Variants in SNED1 observed in about 807,000 individuals in gnomAD.
The protein encoded by SNED1 is sushi, nidogen and EGF-like domain-containing protein 1.
Under a neutral mutation model 166.7 loss-of-function variants are expected in SNED1, and 81 were observed. That is an observed-to-expected ratio of 0.49 (90% CI 0.41 to 0.58). SNED1 has a LOEUF of 0.58. SNED1 is among the 20% of genes least tolerant of loss of function. The probability of loss-of-function intolerance (pLI) is 0.00; values close to 1 mark genes in which losing one functional copy is unlikely to be tolerated. For missense variants in SNED1, 1,604 were observed against 2,000.2 expected, an observed-to-expected ratio of 0.80 and a Z score of 3.78; for synonymous variants, 762 against 822.0, an observed-to-expected ratio of 0.93 and a Z score of 1.25.
intron 1 of SNED1, among the ~76,000 whole-genome samples, chr2:241,006,101 T>C (rs1382689518): frequency 6.6e-6 from 1 of 152,228 alleles, no homozygotes; most frequent in African/African-American, 2.4e-5. Context: ...CTTTTTTGCC[T>C]GTCCTTCATT....
At chr2:241,000,176 C>T (rs761098074) in intron 1 of SNED1, among the ~76,000 whole-genome samples, 8 of 152,330 alleles carry the variant, frequency 5.3e-5, no homozygotes, top group Middle Eastern at 3.4e-3. Flanking sequence ...TCCACATCCT[C>T]TGCATGGTTG....
intron 1 of SNED1, among the ~76,000 whole-genome samples, chr2:241,015,143 A>AT (rs1473120230): frequency 1.3e-5 from 2 of 152,242 alleles, no homozygotes; most frequent in African/African-American, 4.8e-5. Context: ...ACACACACGT[A>AT]TACACACACC....
At position 241,063,712 on chromosome 2, in the gene SNED1, C is replaced by A. The variant is rs74000340; in HGVS notation, c.2485+12C>A. 9 of 1,531,128 alleles carry A rather than the reference C, an allele frequency of 5.9e-6. No homozygotes were observed. The highest frequency in any genetic ancestry group is 8.1e-6 in the Non-Finnish European group (9 of 1,112,316). 94.8% of individuals were successfully genotyped at this position (1,531,128 alleles called of 1,614,324 possible). A position where few individuals can be genotyped will look rare whatever the true frequency, so the allele number is the denominator to read the frequency against. On this transcript the variant is annotated intron_variant, in intron 18 of 31. Transcript: ENST00000310397. ...CCACTGTGAGACAGGTAGGGGCTCC[C>A]TCCAGTGGGCCCCACATGCAGAGCC...
chr2:241,067,384 G>A (rs961058664), intron 21 of SNED1, among the ~76,000 whole-genome samples: 8 of 152,228 alleles, frequency 5.3e-5, no homozygotes, highest in Non-Finnish European at 1.0e-4. Flanking sequence ...CCGGATGTGT[G>A]CTCTTAGACC....
chr2:241,070,112 G>A lies in SNED1; in HGVS notation c.3500G>A (p.Gly1167Glu). The A allele has an allele frequency of 1.2e-6, 2 of 1,612,838 alleles. No homozygotes were observed. Among genetic ancestry groups the A allele is most frequent in the Non-Finnish European group, 1.7e-6 (2 of 1,179,856 alleles). ...TACACGGTGCGCGACCTGCTGCCGG[G>A]ACGGCGGTACCAGCTCTCTGTGATA... ...ASYTVRDLLP[G>E]RRYQLSVIAV... The change falls in exon 24 of 32, where the codon GGA becomes GAA. Residue 1167 changes from glycine to glutamate, a missense_variant. Physicochemically the swap from Gly to Glu is moderately conservative, Grantham distance 98. Transcript: ENST00000310397.
At position 241,069,875 on chromosome 2, in the gene SNED1, C is replaced by A; in HGVS notation, c.3308-45C>A. The A allele has an allele frequency of 6.3e-7, 1 of 1,590,450 alleles. No individual in the cohort carries two copies. The highest frequency in any genetic ancestry group is 8.6e-7 in the Non-Finnish European group (1 of 1,168,300). On this transcript the variant is annotated intron_variant, in intron 23 of 31. Coordinates refer to ENST00000310397, the MANE Select transcript of SNED1 (RefSeq NM_001080437.3). This position sits in a 1 kb window ranked among gnomAD's most constrained non-coding sequence, Gnocchi z 4.9. ...CTCAAACCGTGTTCTTGCCAGAAGA[C>A]CCTGTGGGCACCCCCTCACCTCTCC...
intron 31 of SNED1, chr2:241,089,241 A>G: frequency 6.7e-7 from 1 of 1,489,690 alleles, no homozygotes; most frequent in Non-Finnish European, 9.0e-7. Context: ...TGGTTGGCCT[A>G]GGACAGCTTT....
In SNED1 at chr2:241,064,190, GCTGCCCGCCCT is replaced by G. The variant is rs1310977637; in HGVS notation, c.2599+75_2599+85del. The G allele has an allele frequency of 6.1e-6, 7 of 1,153,810 alleles. No homozygotes were observed. The highest frequency in any genetic ancestry group is 3.3e-5 in the African/African-American group (2 of 60,728). 71.5% of individuals were successfully genotyped at this position (1,153,810 alleles called of 1,614,324 possible). A position where few individuals can be genotyped will look rare whatever the true frequency, so the allele number is the denominator to read the frequency against. On this transcript the variant is annotated intron_variant, in intron 19 of 31. Coordinates refer to ENST00000310397, the MANE Select transcript of SNED1 (RefSeq NM_001080437.3). This position sits in a 1 kb window ranked among gnomAD's most constrained non-coding sequence, Gnocchi z 7.0. ...CCTGCTCCCCGCCCTCTGCCCGCCT[GCTGCCCGCCCT>G]CTGCCCGCCTGCTCCCCGCCCTCTG...
chr2:241,063,370 G>T (rs2062305150), intron 17 of SNED1: 6 of 589,014 alleles, frequency 1.0e-5, no homozygotes, highest in Non-Finnish European at 1.9e-5. Flanking sequence ...GGAAGGCATG[G>T]CCTGGAGGTG....
chr2:241,008,665 G>T (rs113303156), intron 1 of SNED1, among the ~76,000 whole-genome samples: 1 of 152,230 alleles, frequency 6.6e-6, no homozygotes, highest in Admixed American at 6.5e-5. Context: ...GCAAAGCAGG[G>T]CAAGTCATTC....
chr2:241,033,073 G>C (rs907203166), intron 2 of SNED1, among the ~76,000 whole-genome samples: 3 of 152,078 alleles, frequency 2.0e-5, no homozygotes, highest in South Asian at 2.1e-4. Context: ...TCCCTTTCCT[G>C]AGTTATACAT....
At chr2:241,037,398 G>A (rs538113578) in intron 6 of SNED1, 45 bp downstream of exon 6, 1 of 1,285,236 alleles carries the variant, frequency 7.8e-7, no homozygotes, top group African/African-American at 1.5e-5. Context: ...CTGGGGGCAG[G>A]ATAGCGGGAG....
chr2:241,066,499 G>T (rs1005720064), intron 21 of SNED1, among the ~76,000 whole-genome samples: 2 of 152,216 alleles, frequency 1.3e-5, no homozygotes, highest in African/African-American at 2.4e-5. Context: ...AGGGCCATGG[G>T]GCCATGGGAC....
intron 16 of SNED1, among the ~76,000 whole-genome samples, chr2:241,056,093 G>A (rs1402727025): frequency 6.6e-6 from 1 of 151,976 alleles, no homozygotes; most frequent in East Asian, 1.9e-4. Context: ...GATAGAAAAA[G>A]ACCTTATGGA....
intron 1 of SNED1, among the ~76,000 whole-genome samples, chr2:241,017,541 T>C (rs544754863): frequency 8.5e-5 from 13 of 152,358 alleles, no homozygotes; most frequent in African/African-American, 3.1e-4. Context: ...GGACAGGGCC[T>C]TGTATTCTCT....
intron 1 of SNED1, among the ~76,000 whole-genome samples, chr2:241,019,385 G>A (rs753471393): frequency 1.3e-5 from 2 of 152,200 alleles, no homozygotes; most frequent in Non-Finnish European, 2.9e-5. Flanking sequence ...GATGCAAATC[G>A]TCCAGAAAGT....
rs1450578074 is a variant in SNED1, at chr2:241,095,396, C to A, written c.*3760C>A. ...AAGAAAACTGCCAGCATTTTGCTGG[C>A]CTTAAGAAGCCATGCAAAATTAACC... is the stretch of plus-strand genomic sequence containing the variant. On this transcript the variant is annotated 3_prime_UTR_variant, in exon 32 of 32. Transcript: ENST00000310397. The A allele has an allele frequency of 1.3e-5, 2 of 152,768 alleles. No homozygotes were observed. Among genetic ancestry groups the A allele is most frequent in the Non-Finnish European group, 2.9e-5 (2 of 68,154 alleles). The allele number at this position is 152,768 out of a possible 1,614,324, so 9.5% of individuals were successfully genotyped here.
At chr2:241,000,146 C>T (rs1252193405) in intron 1 of SNED1, among the ~76,000 whole-genome samples, 1 of 152,290 alleles carries the variant, frequency 6.6e-6, no homozygotes, top group African/African-American at 2.4e-5. Flanking sequence ...CCCATGGTCC[C>T]CAGCTTCCCG....
At position 241,007,368 on chromosome 2, in the gene SNED1, T is replaced by C. The variant is rs531942692; in HGVS notation, c.213+8318T>C. Among the ~76,000 whole-genome samples the C allele has an allele frequency of 1.3e-4, 20 of 152,378 alleles. No individual in the cohort carries two copies. In the East Asian group the frequency reaches 3.7e-3, roughly 28 times the overall value. On this transcript the variant is annotated intron_variant, in intron 1 of 31. Transcript: ENST00000310397. ...ATTCATTCACTGTTGACTTACTCACTACTTCATTTGTTCGTTCCTTCAGTC... is the reference window on the plus strand; with the variant it reads ...ATTCATTCACTGTTGACTTACTCACCACTTCATTTGTTCGTTCCTTCAGTC...
Sources: allele counts gnomAD v4.1 joint callset (sites outside exome capture counted in the v4.1 genomes callset), GRCh38; gene constraint gnomAD v4.1.1; non-coding constraint Gnocchi (gnomAD v3.1); transcripts MANE v1.5; gene names NCBI Gene and HGNC (gene_info 2026-07-23, HGNC 2026-07-21).